Variants in RBFOX1 observed in about 807,000 individuals in gnomAD.
RBFOX1 encodes RNA binding protein fox-1 homolog 1.
Under a neutral mutation model 57.7 loss-of-function variants are expected in RBFOX1, and 8 were observed. The ratio of observed to expected loss-of-function variants is 0.14; its 90% confidence interval spans 0.08 to 0.25. The LOEUF is 0.25. Ranked by LOEUF, RBFOX1 falls within the 10% of genes least tolerant of loss-of-function variation. The probability of loss-of-function intolerance (pLI) is 1.00; values close to 1 mark genes in which losing one functional copy is unlikely to be tolerated. For synonymous variants in RBFOX1, 326 were observed against 222.4 expected, an observed-to-expected ratio of 1.47 and a Z score of -4.15; for missense variants, 611 against 548.5, an observed-to-expected ratio of 1.11 and a Z score of -1.14.
chr16:6,792,328 C>G (rs147430532), intron 3 of RBFOX1, among the ~76,000 whole-genome samples: 1 of 152,206 alleles, frequency 6.6e-6, no homozygotes, highest in Non-Finnish European at 1.5e-5. Flanking sequence ...TCCCTAAGGA[C>G]GCTTTCAAGT....
rs950200038 is a variant in RBFOX1 at position 6,142,804 on chromosome 16, C to A, written c.-127+122812C>A. ...CACTTACTGTTAGTAGCTGAGATCT[C>A]CTCCTGTCCATCTCCTTTTTGTTTG... On this transcript the variant is annotated intron_variant, in intron 1 of 15. Coordinates refer to ENST00000550418, the MANE Select transcript of RBFOX1 (RefSeq NM_018723.4). Among the ~76,000 whole-genome samples, 6 of 152,166 alleles carry A rather than the reference C, an allele frequency of 3.9e-5. No homozygotes were observed. The East Asian group carries it at 1.2e-3, about 29-fold the overall frequency.
At chr16:7,160,184 G>T (rs2078008460) in intron 4 of RBFOX1, among the ~76,000 whole-genome samples, 1 of 151,184 alleles carries the variant, frequency 6.6e-6, no homozygotes, top group African/African-American at 2.4e-5. Context: ...AACTTCATAT[G>T]ACTTTTGACT....
chr16:5,312,076 C>T (rs1037443988), intron 1 of RBFOX1, among the ~76,000 whole-genome samples: 7 of 152,216 alleles, frequency 4.6e-5, no homozygotes, highest in African/African-American at 1.7e-4. Context: ...AATGAAACCC[C>T]ATATGTATTA....
intron 4 of RBFOX1, among the ~76,000 whole-genome samples, chr16:7,201,701 G>C (rs979142500): frequency 6.6e-6 from 1 of 152,042 alleles, no homozygotes; most frequent in Admixed American, 6.6e-5. Flanking sequence ...GACCTCAGGT[G>C]GTCCACCCAC....
At chr16:5,400,865 C>T (rs1353328129) in intron 1 of RBFOX1, among the ~76,000 whole-genome samples, 2 of 152,010 alleles carry the variant, frequency 1.3e-5, no homozygotes, top group Non-Finnish European at 2.9e-5. Context: ...TGTTTATTTG[C>T]CATTTATATT....
At chr16:6,777,753 C>G (rs1417314863) in intron 3 of RBFOX1, among the ~76,000 whole-genome samples, 1 of 152,072 alleles carries the variant, frequency 6.6e-6, no homozygotes, top group Non-Finnish European at 1.5e-5. Context: ...AATTTTTAAT[C>G]AGGAAGTTGA....
intron 2 of RBFOX1, among the ~76,000 whole-genome samples, chr16:6,332,214 C>G (rs751085025): frequency 6.6e-6 from 1 of 152,232 alleles, no homozygotes; most frequent in South Asian, 2.1e-4. Context: ...AAAATGAAAG[C>G]AATATTAAGA....
chr16:5,717,814 C>T lies in RBFOX1; in HGVS notation c.318+118853C>T, dbSNP rs886130507. Among the ~76,000 whole-genome samples, 5 of 152,134 alleles carry T rather than the reference C, an allele frequency of 3.3e-5. No homozygotes were observed. In the East Asian group the frequency reaches 5.8e-4, roughly 18 times the overall value. ...GGCCTCCCATGATCAGCGATTTATT[C>T]GATCCTCACAACCACTATGTCAGAT... On this transcript the variant is annotated intron_variant, in intron 3 of 19. Coordinates refer to the RBFOX1 transcript ENST00000641259.
intron 3 of RBFOX1, among the ~76,000 whole-genome samples, chr16:6,825,070 C>T (rs1444851843): frequency 3.8e-5 from 5 of 130,516 alleles, no homozygotes; most frequent in African/African-American, 5.7e-5. Flanking sequence ...GATCTTTGCT[C>T]ACTGCAACCC....
At chr16:5,700,956 A>G (rs189273787) in intron 3 of RBFOX1, among the ~76,000 whole-genome samples, 39 of 152,350 alleles carry the variant, frequency 2.6e-4, no homozygotes, top group African/African-American at 9.4e-4. Flanking sequence ...TGAAAGGTTA[A>G]GAGGAATGCT....
At chr16:6,503,849 T>A (rs955975167) in intron 2 of RBFOX1, among the ~76,000 whole-genome samples, 2 of 152,142 alleles carry the variant, frequency 1.3e-5, no homozygotes, top group African/African-American at 4.8e-5. Context: ...GTGGCCATTG[T>A]TTGCATCTAC....
chr16:7,225,177 A>T (rs138499521), intron 4 of RBFOX1, among the ~76,000 whole-genome samples: 2 of 152,312 alleles, frequency 1.3e-5, no homozygotes, highest in African/African-American at 4.8e-5. Context: ...GACAGGAAGC[A>T]TGAATCTAGT....
intron 3 of RBFOX1, among the ~76,000 whole-genome samples, chr16:5,732,071 C>G (rs2052394404): frequency 6.6e-6 from 1 of 152,134 alleles, no homozygotes; most frequent in African/African-American, 2.4e-5. Flanking sequence ...GCTTCATATT[C>G]TAATGAATAA....
chr16:5,247,974 G>T (rs974535570), intron 1 of RBFOX1, among the ~76,000 whole-genome samples: 2 of 152,184 alleles, frequency 1.3e-5, no homozygotes, highest in African/African-American at 4.8e-5. Flanking sequence ...CTGGGCTAGG[G>T]TGCTTTTCGA....
intron 3 of RBFOX1, among the ~76,000 whole-genome samples, chr16:6,925,094 A>T (rs1355696610): frequency 8.7e-6 from 1 of 114,326 alleles, no homozygotes; most frequent in African/African-American, 3.4e-5. Context: ...TCGTTGTTGG[A>T]CATCTAGGTT....
chr16:6,350,931 C>G (rs2086243812), intron 2 of RBFOX1, among the ~76,000 whole-genome samples: 1 of 152,202 alleles, frequency 6.6e-6, no homozygotes, highest in South Asian at 2.1e-4. Flanking sequence ...GGTGGATGGC[C>G]TGGCACCTGG....
At chr16:6,713,532 A>T (rs1014100787) in intron 3 of RBFOX1, among the ~76,000 whole-genome samples, 2 of 152,076 alleles carry the variant, frequency 1.3e-5, no homozygotes, top group African/African-American at 4.8e-5. Context: ...AGATGCAAGT[A>T]AAACCCCCTC....
At chr16:7,645,441 C>T (rs1332086042) in intron 11 of RBFOX1, among the ~76,000 whole-genome samples, 1 of 152,112 alleles carries the variant, frequency 6.6e-6, no homozygotes, top group East Asian at 1.9e-4. Context: ...CACACGCAGC[C>T]AGGAAGAAAC....
intron 3 of RBFOX1, among the ~76,000 whole-genome samples, chr16:7,006,269 C>G (rs960228726): frequency 5.9e-5 from 9 of 152,096 alleles, no homozygotes; most frequent in African/African-American, 1.9e-4. Context: ...ATTCTCCTGT[C>G]TCAGCCTCTC....
Sources: allele counts gnomAD v4.1 joint callset (sites outside exome capture counted in the v4.1 genomes callset), GRCh38; gene constraint gnomAD v4.1.1; transcripts MANE v1.5; gene names NCBI Gene and HGNC (gene_info 2026-07-23, HGNC 2026-07-21).